The following TBX22 variants were observed in gnomAD, a reference collection of about 807,000 sequenced individuals.
TBX22 encodes the protein T-box transcription factor 22, also known as T-box transcription factor TBX22.
Under a neutral mutation model 30.1 loss-of-function variants are expected in TBX22, and 8 were observed. The ratio of observed to expected loss-of-function variants is 0.27; its 90% CI spans 0.16 to 0.48. TBX22 has a LOEUF of 0.48. Among genes scored for constraint, TBX22 ranks in the 20% least tolerant of loss-of-function variants. TBX22 has a pLI of 0.99. For synonymous variants in TBX22, 173 were observed against 149.1 expected, an observed-to-expected ratio of 1.16 and a Z score of -1.17; for missense variants, 463 against 400.5, an observed-to-expected ratio of 1.16 and a Z score of -1.33.
At chrX:80,022,780 T>C in intron 2 of TBX22, 1 of 414,205 alleles carries the variant, frequency 2.4e-6, no homozygotes, top group South Asian at 3.6e-5. Flanking sequence ...CCAGTCTCGG[T>C]TATCAACGTC....
intron 1 of TBX22, among the ~76,000 whole-genome samples, chrX:80,019,311 C>CAA (rs770819197): frequency 3.0e-5 from 3 of 99,571 alleles, no homozygotes; most frequent in Admixed American, 1.1e-4. Flanking sequence ...CAAGTAATGA[C>CAA]AAAAAAAAAA....
chrX:80,031,233 A>T lies in TBX22; in HGVS notation c.*122A>T. 1 of 666,550 alleles carries T rather than the reference A, an allele frequency of 1.5e-6. No homozygotes were observed. Among genetic ancestry groups the T allele is most frequent in the Non-Finnish European group, 2.2e-6 (1 of 455,524 alleles). The allele number at this position is 666,550 out of a possible 1,213,427, so 54.9% of individuals were successfully genotyped here. On this transcript the variant is annotated 3_prime_UTR_variant, in exon 9 of 9. Transcript: ENST00000373296. ...CATTACAATACAGTATTTCTTTGTT[A>T]TACATTTAAAGATTTAAAGTGCCTT...
chrX:80,015,585 A>G (rs947324653), intron 1 of TBX22, among the ~76,000 whole-genome samples: 6 of 112,080 alleles, frequency 5.4e-5, no homozygotes, highest in African/African-American at 1.9e-4. Flanking sequence ...CTTATTCCTG[A>G]TTTTTCTTAC....
chrX:80,016,181 C>T (rs1278123132), intron 1 of TBX22, among the ~76,000 whole-genome samples: 5 of 112,326 alleles, frequency 4.5e-5, no homozygotes, highest in Admixed American at 9.4e-5. Context: ...GTACCTTATT[C>T]GCATGTCCTA....
chrX:80,016,269 G>GATTA (rs968550542), intron 1 of TBX22, among the ~76,000 whole-genome samples: 26 of 111,987 alleles, frequency 2.3e-4, no homozygotes, highest in African/African-American at 8.4e-4. Flanking sequence ...ATAGTGAAAA[G>GATTA]ATTAGCACGA....
chrX:80,020,358 T>C (rs949661638), intron 1 of TBX22, among the ~76,000 whole-genome samples: 6 of 110,974 alleles, frequency 5.4e-5, no homozygotes, highest in African/African-American at 2.0e-4. Flanking sequence ...AGATAGATCT[T>C]CTGAGTAAGA....
chrX:80,026,055 G>A (rs760301778), intron 5 of TBX22, among the ~76,000 whole-genome samples: 1 of 111,292 alleles, frequency 9.0e-6, no homozygotes, highest in Non-Finnish European at 1.9e-5. Context: ...AGAGTAGGAG[G>A]GAACCATTCA....
intron 1 of TBX22, among the ~76,000 whole-genome samples, chrX:80,020,671 T>A (rs1923649360): frequency 9.0e-6 from 1 of 111,393 alleles, no homozygotes; most frequent in African/African-American, 3.3e-5. Flanking sequence ...ATCTCCTCCC[T>A]ATGGCTGAAT....
chrX:80,022,490 T>G, intron 2 of TBX22, 46 bp downstream of exon 2: 1 of 1,124,800 alleles, frequency 8.9e-7, no homozygotes, highest in South Asian at 1.9e-5. Context: ...GCTTACTGGT[T>G]CCGCATCTCT....
chrX:80,027,238 T>G lies in TBX22; in HGVS notation c.799-18T>G. 1.1e-6 allele frequency: 1 copy of G among 893,657 alleles called. No homozygotes were observed. Among genetic ancestry groups the G allele is most frequent in the Non-Finnish European group, 1.6e-6 (1 of 606,645 alleles). The allele number at this position is 893,657 out of a possible 1,213,427, so 73.6% of individuals were successfully genotyped here. A position where few individuals can be genotyped will look rare whatever the true frequency, so the allele number is the denominator to read the frequency against. ...TGAAAGCAATGACTTTATCTTTCTC[T>G]CTCTATTGAATCCATAGATTACGAA... On this transcript the variant is annotated intron_variant, in intron 6 of 8. Transcript: ENST00000373296.
At position 80,030,635 on chromosome X, in the gene TBX22, T is replaced by C; in HGVS notation, c.1087T>C (p.Tyr363His). ...SSLGMPCPEA[Y>H]LPNVNLPLCY... ...CCTTGGAATGCCCTGTCCAGAGGCA[T>C]ACCTGCCCAATGTCAACCTGCCTCT... Residue 363 changes from tyrosine to histidine, a missense_variant, in exon 9 of 9, where the codon TAC becomes CAC. Transcript: ENST00000373296. The C allele has an allele frequency of 1.7e-6, 2 of 1,211,810 alleles. No individual in the cohort carries two copies. Among genetic ancestry groups the C allele is most frequent in the Admixed American group, 2.2e-5 (1 of 46,038 alleles).
chrX:80,030,928 C>T lies in TBX22; in HGVS notation c.1380C>T (p.Thr460=). ...ATATTTTTCTGCCAAACTCCATCAC[C>T]CCAGAAGCACTTAGTTGCTCCTTTC... The part of the protein sequence containing the change: ...PGNIFLPNSI[T]PEALSCSFHP... Residue 460 remains threonine, a synonymous_variant, in exon 9 of 9, where the codon ACC becomes ACT. Coordinates refer to ENST00000373296, the MANE Select transcript of TBX22 (RefSeq NM_001109878.2). The T allele has an allele frequency of 8.3e-7, 1 of 1,211,119 alleles. No homozygotes were observed. The highest frequency in any genetic ancestry group is 1.1e-6 in the Non-Finnish European group (1 of 894,676).
At chrX:80,019,442 C>A (rs1923585282) in intron 1 of TBX22, among the ~76,000 whole-genome samples, 2 of 111,666 alleles carry the variant, frequency 1.8e-5, no homozygotes, top group South Asian at 7.5e-4. Flanking sequence ...TTCCTATTAT[C>A]AAACTTAAAA....
chrX:80,020,948 G>A (rs1215142742), intron 1 of TBX22, among the ~76,000 whole-genome samples: 1 of 111,472 alleles, frequency 9.0e-6, no homozygotes, highest in Non-Finnish European at 1.9e-5. Context: ...AAAGAATCCA[G>A]GGGCACTTGA....
chrX:80,024,409 C>G (rs1923871896), intron 4 of TBX22, among the ~76,000 whole-genome samples: 1 of 111,489 alleles, frequency 9.0e-6, no homozygotes, highest in South Asian at 3.8e-4. Flanking sequence ...ATTCAGGGCA[C>G]TAATTAGAAC....
At chrX:80,022,163 C>A (rs1923736175) in intron 1 of TBX22, 105 bp from the exon 2 acceptor site, 5 of 777,862 alleles carry the variant, frequency 6.4e-6, no homozygotes, top group Non-Finnish European at 7.6e-6. Flanking sequence ...TTCCCGCTTT[C>A]CCTCCTTCCT....
chrX:80,028,046 G>T lies in TBX22; in HGVS notation c.919G>T (p.Asp307Tyr). 1.7e-6 allele frequency: 2 copies of T among 1,210,858 alleles called. No individual in the cohort carries two copies. The highest frequency in any genetic ancestry group is 2.2e-6 in the Non-Finnish European group (2 of 894,916). The change falls in exon 8 of 9, where the codon GAT becomes TAT. Residue 307 changes from aspartate (D) to tyrosine (Y), a missense_variant. Coordinates refer to ENST00000373296, the MANE Select transcript of TBX22 (RefSeq NM_001109878.2). ...CCCATGGAGGCCTTCTTTCACTCTC[G>T]ATTTTAAAACCTTTGGCGCAGACAC... is the stretch of plus-strand genomic sequence containing the variant. The part of the protein sequence containing the change: ...TYPWRPSFTL[D>Y]FKTFGADTQS...
At chrX:80,018,669 C>T (rs1923553228) in intron 1 of TBX22, among the ~76,000 whole-genome samples, 1 of 112,111 alleles carries the variant, frequency 8.9e-6, no homozygotes, top group African/African-American at 3.2e-5. Context: ...TTACTATGTT[C>T]CAGGCTTTGT....
In TBX22 at chrX:80,022,027, TAC is replaced by T. The variant is rs200577659; in HGVS notation, c.-2-201_-2-200del. ...AAAATATATATGTATATAAAAAAAT[TAC>T]ACACACACACACACACACACACACA... On this transcript the variant is annotated intron_variant, in intron 1 of 8. Transcript: ENST00000373296. Among the ~76,000 whole-genome samples, 7,624 of 92,760 alleles carry T rather than the reference TAC, an allele frequency of 0.082. 300 individuals carry two copies. Among genetic ancestry groups the T allele is most frequent in the African/African-American group, 0.15 (3,903 of 25,867 alleles). The allele number at this position is 92,760 out of a possible 115,157, so 80.6% of individuals were successfully genotyped here. A position where few individuals can be genotyped will look rare whatever the true frequency, so the allele number is the denominator to read the frequency against.
Sources: gnomAD v4.1 joint callset for allele counts (sites outside exome capture counted in the v4.1 genomes callset) on GRCh38, gnomAD v4.1.1 for gene constraint, MANE v1.5 for transcripts, NCBI Gene and HGNC (gene_info 2026-07-23, HGNC 2026-07-21) for gene names.